AZIN1: variants seen among roughly 807,000 people sequenced by gnomAD.
AZIN1 encodes the protein ornithine decarboxylase antizyme inhibitor.
In AZIN1, 12 loss-of-function variants were observed where a neutral mutation model predicts 47.4. The ratio of observed to expected loss-of-function variants is 0.25; its 90% CI spans 0.16 to 0.41. AZIN1 has a LOEUF of 0.41. Ranked by LOEUF, AZIN1 falls within the 10% of genes least tolerant of loss-of-function variation. The pLI is 1.00. For missense variants in AZIN1, 410 were observed against 532.4 expected, an observed-to-expected ratio of 0.77 and a Z score of 2.26; for synonymous variants, 155 against 176.3, an observed-to-expected ratio of 0.88 and a Z score of 0.96.
chr8:102,829,746 C>A, intron 10 of AZIN1, 75 bp downstream of exon 10: 4 of 1,148,030 alleles, frequency 3.5e-6, no homozygotes, highest in Non-Finnish European at 5.1e-6. Context: ...TTTCAAAAAA[C>A]TGGGAAGCAT....
chr8:102,862,022 C>G (rs1324769285), intron 1 of AZIN1, among the ~76,000 whole-genome samples: 1 of 150,514 alleles, frequency 6.6e-6, no homozygotes, highest in East Asian at 1.9e-4. Context: ...GGCGACAGAG[C>G]TAGACTCCAA....
chr8:102,848,696 A>G (rs547867159), intron 2 of AZIN1, among the ~76,000 whole-genome samples: 7 of 152,306 alleles, frequency 4.6e-5, no homozygotes, highest in Non-Finnish European at 1.0e-4. Context: ...AAAGAGTCCT[A>G]AAAAAGCAGC....
intron 1 of AZIN1, among the ~76,000 whole-genome samples, chr8:102,861,124 CG>C (rs1233174152): frequency 2.0e-4 from 30 of 152,286 alleles, no homozygotes; most frequent in Middle Eastern, 3.4e-3. Flanking sequence ...ACTGTAATAA[CG>C]TAAGATGTTA....
chr8:102,848,362 A>C lies in AZIN1; in HGVS notation c.-95-4615T>G, dbSNP rs140085950. On this transcript the variant is annotated intron_variant, in intron 2 of 11. Coordinates refer to ENST00000337198, the MANE Select transcript of AZIN1 (RefSeq NM_148174.4). ...AAAAAAAAAGCCAATTCCTCAAAAGAATCTGTAAAACACAAACATCTGCAG... is the reference window on the plus strand; with the variant it reads ...AAAAAAAAAGCCAATTCCTCAAAAGCATCTGTAAAACACAAACATCTGCAG... Among the ~76,000 whole-genome samples, 1,180 of 150,108 alleles carry C rather than the reference A, an allele frequency of 7.9e-3. 21 individuals are homozygous for C. The highest frequency in any genetic ancestry group is 0.027 in the African/African-American group (1,088 of 40,896).
At chr8:102,837,626 T>A (rs1811906536) in intron 5 of AZIN1, among the ~76,000 whole-genome samples, 1 of 152,176 alleles carries the variant, frequency 6.6e-6, no homozygotes, top group African/African-American at 2.4e-5. Context: ...CTTCAGAGGA[T>A]CACAGAACAA....
intron 2 of AZIN1, among the ~76,000 whole-genome samples, chr8:102,852,050 CCT>C (rs1056906661): frequency 1.2e-4 from 19 of 152,270 alleles, no homozygotes; most frequent in African/African-American, 4.1e-4. Context: ...GGATAGCAAA[CCT>C]CTCATTAGGA....
chr8:102,851,943 G>C (rs976832587), intron 2 of AZIN1, among the ~76,000 whole-genome samples: 1 of 152,186 alleles, frequency 6.6e-6, no homozygotes, highest in African/African-American at 2.4e-5. Flanking sequence ...CCTGGGACTG[G>C]AACTGCTAGA....
chr8:102,857,562 T>C (rs1813371610), intron 2 of AZIN1, among the ~76,000 whole-genome samples: 1 of 152,046 alleles, frequency 6.6e-6, no homozygotes, highest in African/African-American at 2.4e-5. Context: ...ACCATACATA[T>C]ATTTTAATAC....
intron 8 of AZIN1, among the ~76,000 whole-genome samples, chr8:102,833,586 C>G (rs933267403): frequency 6.6e-6 from 1 of 151,638 alleles, no homozygotes; most frequent in African/African-American, 2.4e-5. Context: ...AGGTGAGAAA[C>G]AGGTGTGACG....
chr8:102,835,653 T>G (rs987190444), intron 6 of AZIN1, among the ~76,000 whole-genome samples: 3 of 152,100 alleles, frequency 2.0e-5, no homozygotes, highest in African/African-American at 7.2e-5. Context: ...TCTCAAAAAA[T>G]AAATAATAAA....
At chr8:102,856,308 C>T (rs979036056) in intron 2 of AZIN1, among the ~76,000 whole-genome samples, 16 of 151,992 alleles carry the variant, frequency 1.1e-4, no homozygotes, top group Admixed American at 2.6e-4. Flanking sequence ...GCATTGTACC[C>T]GGGCATAATA....
intron 2 of AZIN1, among the ~76,000 whole-genome samples, chr8:102,845,425 T>C (rs1219075136): frequency 6.6e-6 from 1 of 152,204 alleles, no homozygotes; most frequent in Non-Finnish European, 1.5e-5. Flanking sequence ...GTTTTTATTT[T>C]ACCAAGTTAA....
chr8:102,836,705 A>C (rs902649830), intron 5 of AZIN1, among the ~76,000 whole-genome samples: 1 of 152,192 alleles, frequency 6.6e-6, no homozygotes, highest in Non-Finnish European at 1.5e-5. Flanking sequence ...CAGTCCATAA[A>C]TCCACCTAGG....
intron 5 of AZIN1, among the ~76,000 whole-genome samples, chr8:102,837,470 G>C (rs777881325): frequency 8.5e-5 from 13 of 152,094 alleles, no homozygotes; most frequent in Non-Finnish European, 1.6e-4. Context: ...TAATAATATG[G>C]CCATGAAAAT....
intron 5 of AZIN1, among the ~76,000 whole-genome samples, chr8:102,836,939 C>CT (rs1293203161): frequency 6.6e-6 from 1 of 151,692 alleles, no homozygotes; most frequent in Non-Finnish European, 1.5e-5. Flanking sequence ...GAGTTTCACT[C>CT]TGTCGCCCAG....
intron 3 of AZIN1, 26 bp downstream of exon 3, chr8:102,843,525 C>CA: frequency 6.3e-7 from 1 of 1,579,196 alleles, no homozygotes; most frequent in Non-Finnish European, 8.7e-7. Context: ...AAATGACAAA[C>CA]ACTGTATTTG....
chr8:102,839,767 A>C lies in AZIN1; in HGVS notation c.159T>G (p.Ser53Arg). 1 of 1,606,398 alleles carries C rather than the reference A, an allele frequency of 6.2e-7. No individual in the cohort carries two copies. The highest frequency in any genetic ancestry group is 8.5e-7 in the Non-Finnish European group (1 of 1,175,824). The change falls in exon 4 of 12, where the codon AGT becomes AGG. Residue 53 changes from serine to arginine, a missense_variant. Transcript: ENST00000337198. ...GDLGKIVKKH[S>R]QWQNVVAQIK... is the part of the protein sequence containing the mutation. ...TCTGAGCCACTACATTCTGCCATTGACTGTGTTTCTTCACAATCTTTCCAA... is the reference window on the plus strand; with the variant it reads ...TCTGAGCCACTACATTCTGCCATTGCCTGTGTTTCTTCACAATCTTTCCAA...
At chr8:102,831,772 C>G (rs562060042) in intron 9 of AZIN1, among the ~76,000 whole-genome samples, 1 of 151,352 alleles carries the variant, frequency 6.6e-6, no homozygotes, top group Non-Finnish European at 1.5e-5. Context: ...AGAAACACGA[C>G]GAAACCCTCT....
intron 1 of AZIN1, among the ~76,000 whole-genome samples, chr8:102,863,453 C>T (rs1197961532): frequency 6.6e-6 from 1 of 151,674 alleles, no homozygotes; most frequent in African/African-American, 2.4e-5. Flanking sequence ...CAATGCACCA[C>T]GGGAGAGGGG....
Sources: gnomAD v4.1 joint callset for allele counts (sites outside exome capture counted in the v4.1 genomes callset) on GRCh38, gnomAD v4.1.1 for gene constraint, MANE v1.5 for transcripts, NCBI Gene and HGNC (gene_info 2026-07-23, HGNC 2026-07-21) for gene names.